The following GABRB2 variants were observed in gnomAD, a reference collection of about 807,000 sequenced individuals.
GABRB2 encodes the protein gamma-aminobutyric acid type A receptor subunit beta2, also known as gamma-aminobutyric acid receptor subunit beta-2.
In GABRB2, 16 loss-of-function variants were observed where a neutral mutation model predicts 54.7. That is an observed-to-expected ratio of 0.29 (90% confidence interval 0.20 to 0.44). The LOEUF is 0.44. Ranked by LOEUF, GABRB2 falls within the 20% of genes least tolerant of loss-of-function variation. The pLI, the probability that GABRB2 is intolerant of heterozygous loss-of-function variation, is 1.00. For synonymous variants in GABRB2, 244 were observed against 233.8 expected, an observed-to-expected ratio of 1.04 and a Z score of -0.40; for missense variants, 355 against 644.0, an observed-to-expected ratio of 0.55 and a Z score of 4.86.
intron 5 of GABRB2, among the ~76,000 whole-genome samples, chr5:161,354,863 C>A (rs999971727): frequency 1.3e-5 from 2 of 151,998 alleles, no homozygotes; most frequent in African/African-American, 4.8e-5. Context: ...CTTTTAGTTG[C>A]AAAAACTGCA....
intron 9 of GABRB2, among the ~76,000 whole-genome samples, chr5:161,324,056 T>A (rs1334882437): frequency 6.6e-6 from 1 of 152,196 alleles, no homozygotes; most frequent in East Asian, 1.9e-4. Flanking sequence ...AAACAATAGG[T>A]GCTCATTGAA....
chr5:161,515,431 G>A (rs1759910338), intron 3 of GABRB2, among the ~76,000 whole-genome samples: 1 of 151,938 alleles, frequency 6.6e-6, no homozygotes, highest in African/African-American at 2.4e-5. Flanking sequence ...GCCTACAACT[G>A]TAGCTATGAG....
chr5:161,544,967 T>G (rs925001833), intron 3 of GABRB2, among the ~76,000 whole-genome samples: 1 of 152,140 alleles, frequency 6.6e-6, no homozygotes, highest in African/African-American at 2.4e-5. Context: ...GGGGGTCTCC[T>G]GCACGTGGTT....
intron 4 of GABRB2, among the ~76,000 whole-genome samples, chr5:161,442,898 T>C (rs1757508051): frequency 6.6e-6 from 1 of 152,140 alleles, no homozygotes; most frequent in Non-Finnish European, 1.5e-5. Flanking sequence ...TGGTCCCCTT[T>C]ACCACAGAGC....
At chr5:161,521,996 A>G (rs1760129352) in intron 3 of GABRB2, among the ~76,000 whole-genome samples, 1 of 151,914 alleles carries the variant, frequency 6.6e-6, no homozygotes, top group African/African-American at 2.4e-5. Flanking sequence ...ACTAAGCTGC[A>G]CAACCAGTTC....
chr5:161,371,994 T>C (rs972295725), intron 5 of GABRB2, among the ~76,000 whole-genome samples: 26 of 152,102 alleles, frequency 1.7e-4, no homozygotes, highest in Admixed American at 1.6e-3. Flanking sequence ...CCTCCCAAAC[T>C]GTTGGGATTA....
At chr5:161,440,726 A>T (rs1218002069) in intron 4 of GABRB2, among the ~76,000 whole-genome samples, 2 of 152,168 alleles carry the variant, frequency 1.3e-5, no homozygotes, top group African/African-American at 4.8e-5. Context: ...ATATATTTAC[A>T]GTACTCTAGT....
intron 9 of GABRB2, among the ~76,000 whole-genome samples, chr5:161,320,267 C>T (rs1181030562): frequency 1.3e-5 from 2 of 151,842 alleles, no homozygotes; most frequent in Non-Finnish European, 3.0e-5. Flanking sequence ...GGCCATCTCA[C>T]TGTTAACTAA....
Position 161,294,161 on chromosome 5 carries a change from T to G in GABRB2, c.1459A>C (p.Ile487Leu). 1 of 1,614,118 alleles carries G rather than the reference T, an allele frequency of 6.2e-7. No homozygotes were observed. Among genetic ancestry groups the G allele is most frequent in the East Asian group, 2.2e-5 (1 of 44,872 alleles). Reference sequence around the variant, plus strand: ...AAGAATATGCGGGACCACCGATCTATGGCATTCACATCAGTCAAGTCAGGG... The same window carrying G: ...AAGAATATGCGGGACCACCGATCTAGGGCATTCACATCAGTCAAGTCAGGG... ...TIPDLTDVNAIDRWSRIFFPV... is the reference protein window; with the variant it reads ...TIPDLTDVNALDRWSRIFFPV... The change falls in exon 10 of 10, where the codon ATA becomes CTA. Residue 487 changes from isoleucine (I) to leucine (L), a missense_variant. This residue lies in a region of GABRB2 where 201 missense variants were observed against 228.1 expected (regional missense o/e 0.88). Coordinates refer to ENST00000393959, the MANE Select transcript of GABRB2 (RefSeq NM_001371727.1).
intron 5 of GABRB2, among the ~76,000 whole-genome samples, chr5:161,367,888 T>C (rs546765579): frequency 1.2e-4 from 19 of 152,244 alleles, no homozygotes; most frequent in African/African-American, 4.1e-4. Flanking sequence ...GGCATTCTAA[T>C]GGGAGATTTT....
At chr5:161,350,684 C>A (rs1042647025) in intron 5 of GABRB2, among the ~76,000 whole-genome samples, 1 of 152,042 alleles carries the variant, frequency 6.6e-6, no homozygotes, top group Non-Finnish European at 1.5e-5. Context: ...AGCAGACCCA[C>A]CCTCAATCTG....
chr5:161,422,875 A>G lies in GABRB2; in HGVS notation c.459-11818T>C, dbSNP rs898795521. On this transcript the variant is annotated intron_variant, in intron 4 of 9. Transcript: ENST00000393959. ...TTTAAATGTTGGTGGAAATATCATC[A>G]TTTAATTACAGGTTTTCAAAGTAGA... Among the ~76,000 whole-genome samples the G allele has an allele frequency of 5.9e-5, 9 of 152,310 alleles. No homozygotes were observed. In the East Asian group the frequency reaches 7.7e-4, roughly 13 times the overall value.
At chr5:161,475,594 A>T (rs773787184) in intron 3 of GABRB2, among the ~76,000 whole-genome samples, 1 of 151,948 alleles carries the variant, frequency 6.6e-6, no homozygotes, top group Non-Finnish European at 1.5e-5. Context: ...TCAATAGCAC[A>T]TGAGAAGGAA....
At chr5:161,352,567 G>A (rs2113437455) in intron 5 of GABRB2, among the ~76,000 whole-genome samples, 1 of 152,132 alleles carries the variant, frequency 6.6e-6, no homozygotes, top group South Asian at 2.1e-4. Context: ...TGGGACTGGG[G>A]AGATGGTAAT....
At chr5:161,450,180 TAA>T (rs1757751447) in intron 4 of GABRB2, among the ~76,000 whole-genome samples, 1 of 152,108 alleles carries the variant, frequency 6.6e-6, no homozygotes, top group Non-Finnish European at 1.5e-5. Flanking sequence ...TCCTCTTTCC[TAA>T]AGCAATCCCC....
chr5:161,302,233 C>T (rs1757560729), intron 9 of GABRB2, among the ~76,000 whole-genome samples: 1 of 152,176 alleles, frequency 6.6e-6, no homozygotes, highest in Non-Finnish European at 1.5e-5. Context: ...GTTTCCTTTC[C>T]CCTCTTTCTG....
chr5:161,384,930 T>G (rs372864003), intron 5 of GABRB2, among the ~76,000 whole-genome samples: 25 of 152,172 alleles, frequency 1.6e-4, no homozygotes, highest in African/African-American at 6.0e-4. Context: ...TATAGTTACA[T>G]ACATATGCTG....
intron 5 of GABRB2, among the ~76,000 whole-genome samples, chr5:161,366,451 T>C (rs899098467): frequency 2.0e-5 from 3 of 152,126 alleles, no homozygotes; most frequent in Admixed American, 6.5e-5. Flanking sequence ...GAACCAATCA[T>C]TTGACATTAT....
chr5:161,535,713 C>T (rs548021017), intron 3 of GABRB2, among the ~76,000 whole-genome samples: 1 of 152,084 alleles, frequency 6.6e-6, no homozygotes, highest in East Asian at 1.9e-4. Context: ...TAACACAATA[C>T]CTGCACAAGT....
Sources: allele counts gnomAD v4.1 joint callset (sites outside exome capture counted in the v4.1 genomes callset), GRCh38; gene constraint gnomAD v4.1.1; regional missense constraint gnomAD v4.1.1; transcripts MANE v1.5; gene names NCBI Gene and HGNC (gene_info 2026-07-23, HGNC 2026-07-21).